Variants in MRTFB observed in about 807,000 individuals in gnomAD.
MRTFB encodes myocardin related transcription factor B, also known as myocardin-related transcription factor B.
MRTFB carries 29 observed loss-of-function variants against 104.2 expected under a neutral mutation model. The ratio of observed to expected loss-of-function variants is 0.28; its 90% CI spans 0.21 to 0.38. The LOEUF (loss-of-function observed/expected upper bound fraction) is 0.38. Ranked by LOEUF, MRTFB falls within the 10% of genes least tolerant of loss-of-function variation. MRTFB has a pLI of 1.00. For missense variants in MRTFB, 1,270 were observed against 1,341.6 expected (o/e 0.95, Z 0.83); for synonymous variants, 535 against 519.5 (o/e 1.03, Z -0.41).
At chr16:14,093,200 A>G (rs1025249435) in intron 2 of MRTFB, among the ~76,000 whole-genome samples, 1 of 151,928 alleles carries the variant, frequency 6.6e-6, no homozygotes, top group African/African-American at 2.4e-5. Context: ...AGAAAAGCAC[A>G]GTTGTATTTA....
chr16:14,017,720 T>A, the MRTFB span, among the ~76,000 whole-genome samples: 4 of 48,510 alleles, frequency 8.2e-5, no homozygotes, highest in African/African-American at 1.4e-4. Flanking sequence ...TATTTTTTTT[T>A]TTTTTTTTTT....
chr16:14,008,922 T>G, the MRTFB span, among the ~76,000 whole-genome samples: 1 of 71,864 alleles, frequency 1.4e-5, no homozygotes, highest in Non-Finnish European at 3.6e-5. Context: ...CCTAAGTATT[T>G]CATTCTTTTT....
At chr16:14,079,182 T>C (rs1473184918) in intron 1 of MRTFB, 108 bp from the exon 2 acceptor site, 3 of 313,124 alleles carry the variant, frequency 9.6e-6, no homozygotes, top group African/African-American at 2.1e-5. Flanking sequence ...TAACTTCGAT[T>C]TTGTTATTTC....
intron 2 of MRTFB, among the ~76,000 whole-genome samples, chr16:14,137,951 T>C (rs1242820182): frequency 2.0e-5 from 3 of 152,070 alleles, no homozygotes; most frequent in Non-Finnish European, 2.9e-5. Flanking sequence ...CCCATCTCTT[T>C]TTAGTTACTC....
the MRTFB span, among the ~76,000 whole-genome samples, chr16:14,036,750 G>A: frequency 1.3e-5 from 2 of 151,940 alleles, no homozygotes; most frequent in Admixed American, 6.6e-5. Flanking sequence ...ATCTGGCCTG[G>A]GGTAGGATCT....
the MRTFB span, among the ~76,000 whole-genome samples, chr16:14,033,291 A>T: frequency 6.6e-6 from 1 of 152,068 alleles, no homozygotes; most frequent in East Asian, 1.9e-4. Context: ...TATGCCTGTA[A>T]TCCCAGCATT....
intron 2 of MRTFB, among the ~76,000 whole-genome samples, chr16:14,094,294 A>G (rs991782837): frequency 3.9e-5 from 6 of 152,254 alleles, no homozygotes; most frequent in African/African-American, 9.6e-5. Context: ...AGGGCATTAA[A>G]TAATCTCTAT....
chr16:14,044,821 G>C, the MRTFB span, among the ~76,000 whole-genome samples: 1 of 152,094 alleles, frequency 6.6e-6, no homozygotes, highest in South Asian at 2.1e-4. Flanking sequence ...CAATGTTTCG[G>C]AATACTGCTC....
the MRTFB span, among the ~76,000 whole-genome samples, chr16:14,016,601 T>G: frequency 6.6e-6 from 1 of 151,824 alleles, no homozygotes; most frequent in Non-Finnish European, 1.5e-5. Flanking sequence ...GGAGAAACGC[T>G]GTCTCTACTA....
the MRTFB span, among the ~76,000 whole-genome samples, chr16:14,017,745 C>A: frequency 1.1e-5 from 1 of 90,552 alleles, no homozygotes; most frequent in Non-Finnish European, 2.2e-5. Flanking sequence ...GAGACAGGGT[C>A]TCTCTCTTTC....
intron 3 of MRTFB, among the ~76,000 whole-genome samples, chr16:14,187,209 A>G (rs1567429995): frequency 6.6e-6 from 1 of 152,192 alleles, no homozygotes; most frequent in African/African-American, 2.4e-5. Context: ...AGCTGTTACT[A>G]AAGATTCATT....
chr16:14,081,678 C>A (rs1204434302), intron 2 of MRTFB, among the ~76,000 whole-genome samples: 1 of 152,140 alleles, frequency 6.6e-6, no homozygotes, highest in Non-Finnish European at 1.5e-5. Context: ...CTTCTAGGCT[C>A]AAGTGATCCT....
At chr16:14,195,428 A>AT in intron 3 of MRTFB, 1 of 709,930 alleles carries the variant, frequency 1.4e-6, no homozygotes, top group Non-Finnish European at 1.7e-6. Context: ...GTGTGTGTAT[A>AT]TATATACATA....
upstream of MRTFB, among the ~76,000 whole-genome samples, chr16:14,069,311 C>A (rs1243120714): frequency 1.3e-5 from 2 of 152,156 alleles, no homozygotes; most frequent in African/African-American, 2.4e-5. Context: ...GCTCCAGTGG[C>A]TCCCAAGTTC....
At chr16:14,037,275 C>CA in the MRTFB span, among the ~76,000 whole-genome samples, 1 of 152,306 alleles carries the variant, frequency 6.6e-6, no homozygotes, top group Admixed American at 6.5e-5. Context: ...AAGGACCTGG[C>CA]ATATTGCTGG....
Position 14,262,365 on chromosome 16 carries a change from G to GACTA in MRTFB, c.*925_*928dup, listed in dbSNP as rs2151487866. ...GTATTTCTGTATTTAAAGAATTGCTGACTAACTTTCAGGTAACCAGACCCA... is the reference window on the plus strand; with the variant it reads ...GTATTTCTGTATTTAAAGAATTGCTGACTAACTAACTTTCAGGTAACCAGACCCA... On this transcript the variant is annotated 3_prime_UTR_variant, in exon 17 of 17. Transcript: ENST00000571589. 1 of 152,306 alleles carries GACTA rather than the reference G, an allele frequency of 6.6e-6. No individual in the cohort carries two copies. Among genetic ancestry groups the GACTA allele is most frequent in the South Asian group, 2.1e-4 (1 of 4,828 alleles). The allele number at this position is 152,306 out of a possible 1,614,324, so 9.4% of individuals were successfully genotyped here.
chr16:14,068,112 A>G (rs1336381702), upstream of MRTFB, among the ~76,000 whole-genome samples: 1 of 152,200 alleles, frequency 6.6e-6, no homozygotes, highest in East Asian at 1.9e-4. Context: ...GATTACAGGC[A>G]TGAGCCACCA....
chr16:14,244,221 C>T (rs369174120), intron 10 of MRTFB, among the ~76,000 whole-genome samples: 6 of 152,088 alleles, frequency 3.9e-5, no homozygotes, highest in African/African-American at 1.5e-4. Flanking sequence ...GTGCTGATAG[C>T]AGTTCATTTT....
At chr16:14,060,350 T>C in the MRTFB span, among the ~76,000 whole-genome samples, 1 of 152,162 alleles carries the variant, frequency 6.6e-6, no homozygotes, top group African/African-American at 2.4e-5. Context: ...TGAGAGCCTA[T>C]GCACCCAGTC....
Sources: gnomAD v4.1 joint callset for allele counts (sites outside exome capture counted in the v4.1 genomes callset) on GRCh38, gnomAD v4.1.1 for gene constraint, MANE v1.5 for transcripts, NCBI Gene and HGNC (gene_info 2026-07-23, HGNC 2026-07-21) for gene names.